Variants in CLMP observed in about 807,000 individuals in gnomAD.
CLMP encodes CXADR like cell adhesion molecule.
CLMP carries 27 observed loss-of-function variants against 45.2 expected under a neutral mutation model. That is an observed-to-expected ratio of 0.60 (90% CI 0.44 to 0.82). CLMP has a LOEUF of 0.82. CLMP is among the 40% of genes least tolerant of loss of function. CLMP has a pLI of 0.00. For synonymous variants in CLMP, 167 were observed against 171.4 expected (o/e 0.97, Z 0.20); for missense variants, 403 against 448.4 (o/e 0.90, Z 0.91).
chr11:123,192,563 C>T (rs1459712360), intron 1 of CLMP, among the ~76,000 whole-genome samples: 10 of 152,102 alleles, frequency 6.6e-5, no homozygotes, highest in Non-Finnish European at 1.0e-4. Flanking sequence ...CAATGAGGGC[C>T]GGAACGTTAC....
chr11:123,172,030 T>A (rs1226891313), intron 1 of CLMP, among the ~76,000 whole-genome samples: 1 of 152,108 alleles, frequency 6.6e-6, no homozygotes, highest in African/African-American at 2.4e-5. Flanking sequence ...ATTTTTTTTT[T>A]ACTCAACATT....
At chr11:123,135,305 T>C (rs564988072) in intron 1 of CLMP, among the ~76,000 whole-genome samples, 1 of 139,032 alleles carries the variant, frequency 7.2e-6, no homozygotes, top group East Asian at 2.0e-4. Flanking sequence ...ATCTTTGCAG[T>C]GTTTGTGGTG....
chr11:123,119,046 CCT>C (rs1565388007), intron 1 of CLMP, among the ~76,000 whole-genome samples: 92 of 4,970 alleles, frequency 0.019, 11 homozygotes, highest in African/African-American at 0.032. Context: ...TCTCTCTCTC[CCT>C]CTCCCTCTCT....
chr11:123,135,364 A>G (rs1415212161), intron 1 of CLMP, among the ~76,000 whole-genome samples: 3 of 151,850 alleles, frequency 2.0e-5, no homozygotes, highest in Admixed American at 6.6e-5. Context: ...TGATTTATAG[A>G]GCCTGTATAC....
Position 123,084,580 on chromosome 11 carries a change from C to T in CLMP, c.320G>A (p.Gly107Asp). 1.2e-6 allele frequency: 2 copies of T among 1,614,208 alleles called. No individual in the cohort carries two copies. The highest frequency in any genetic ancestry group is 1.7e-6 in the Non-Finnish European group (2 of 1,180,030). ...QIEPLKPSDE[G>D]RYTCKVKNSG... The stretch of plus-strand genomic sequence containing the variant: ...ATTCTTAACCTTACAGGTGTACCGG[C>T]CCTCATCACTGGGCTTCAGAGGTTC... Residue 107 changes from glycine to aspartate, a missense_variant, in exon 3 of 7, where the codon GGC becomes GAC. Coordinates refer to ENST00000448775, the MANE Select transcript of CLMP (RefSeq NM_024769.5).
At chr11:123,118,099 C>A (rs1860741131) in intron 1 of CLMP, among the ~76,000 whole-genome samples, 1 of 152,080 alleles carries the variant, frequency 6.6e-6, no homozygotes, top group Admixed American at 6.6e-5. Context: ...TTTAAAACAA[C>A]CAGTGTATAG....
chr11:123,090,774 C>T (rs1415103751), intron 2 of CLMP, among the ~76,000 whole-genome samples: 1 of 152,016 alleles, frequency 6.6e-6, no homozygotes, highest in East Asian at 1.9e-4. Flanking sequence ...TTCTCATGGC[C>T]CAATAACGAG....
intron 1 of CLMP, among the ~76,000 whole-genome samples, chr11:123,175,086 C>T (rs1031084071): frequency 3.3e-5 from 5 of 151,946 alleles, no homozygotes; most frequent in African/African-American, 7.3e-5. Context: ...CTCTAGTAGC[C>T]GGGACTGTGG....
intron 1 of CLMP, among the ~76,000 whole-genome samples, chr11:123,126,626 A>G (rs1180675103): frequency 1.3e-5 from 2 of 152,244 alleles, no homozygotes; most frequent in East Asian, 3.9e-4. Context: ...GGCTGGGTGC[A>G]GTAGCTCACG....
intron 1 of CLMP, among the ~76,000 whole-genome samples, chr11:123,162,639 T>TA (rs1861501345): frequency 6.6e-6 from 1 of 151,678 alleles, no homozygotes; most frequent in South Asian, 2.1e-4. Context: ...CTCACACCTG[T>TA]AATCCAAGCA....
At chr11:123,122,776 TTG>T (rs1426213928) in intron 1 of CLMP, among the ~76,000 whole-genome samples, 1 of 152,208 alleles carries the variant, frequency 6.6e-6, no homozygotes, top group Non-Finnish European at 1.5e-5. Context: ...TTTTCATGTC[TTG>T]TGTTTTTCTT....
chr11:123,192,951 C>A (rs1861928409), intron 1 of CLMP: 1 of 152,226 alleles, frequency 6.6e-6, no homozygotes, highest in African/African-American at 2.4e-5. Flanking sequence ...TGGCTCCAAA[C>A]CATTTCTTAA....
Position 123,194,898 on chromosome 11 carries a change from C to G in CLMP, c.28+15G>C, listed in dbSNP as rs1369569977. On this transcript the variant is annotated intron_variant, in intron 1 of 6. Transcript: ENST00000448775. ...CCACGGCCATCCAAACTCCCGCCCT[C>G]CCAGAGGCACTCACCTAGCAAGAGG... The G allele has an allele frequency of 6.2e-7, 1 of 1,613,528 alleles. No individual in the cohort carries two copies. The highest frequency in any genetic ancestry group is 2.2e-5 in the East Asian group (1 of 44,802).
intron 5 of CLMP, among the ~76,000 whole-genome samples, chr11:123,075,449 C>T (rs1230778227): frequency 6.6e-6 from 1 of 151,640 alleles, no homozygotes; most frequent in Non-Finnish European, 1.5e-5. Context: ...TGCAGTGACG[C>T]GATCTCGGCT....
At chr11:123,188,203 C>A (rs61904434) in intron 1 of CLMP, among the ~76,000 whole-genome samples, 1 of 152,090 alleles carries the variant, frequency 6.6e-6, no homozygotes, top group Non-Finnish European at 1.5e-5. Flanking sequence ...CAGGCGCACC[C>A]GCTCTGTAAT....
intron 1 of CLMP, chr11:123,136,220 A>G (rs1861068592): frequency 1.5e-6 from 1 of 647,800 alleles, no homozygotes; most frequent in South Asian, 1.4e-5. Context: ...AACACCACCC[A>G]TTACAATCTG....
chr11:123,162,721 C>T (rs1334274634), intron 1 of CLMP, among the ~76,000 whole-genome samples: 1 of 151,254 alleles, frequency 6.6e-6, no homozygotes, highest in Non-Finnish European at 1.5e-5. Flanking sequence ...CATGACGAAA[C>T]ATTGTCTCTA....
chr11:123,121,083 C>T (rs1305831297), intron 1 of CLMP, among the ~76,000 whole-genome samples: 1 of 147,530 alleles, frequency 6.8e-6, no homozygotes, highest in Non-Finnish European at 1.5e-5. Context: ...GCCAAGATCC[C>T]GCCACTGCAC....
intron 2 of CLMP, among the ~76,000 whole-genome samples, chr11:123,090,950 A>G (rs11218976): frequency 0.41 from 61,862 of 152,044 alleles, 14,488 homozygotes; most frequent in African/African-American, 0.65. Flanking sequence ...TAAGTCTATA[A>G]GTAACTATTT....
Sources: allele counts gnomAD v4.1 joint callset (sites outside exome capture counted in the v4.1 genomes callset), GRCh38; gene constraint gnomAD v4.1.1; transcripts MANE v1.5; gene names NCBI Gene and HGNC (gene_info 2026-07-23, HGNC 2026-07-21).